Variants in SP140 observed in about 807,000 individuals in gnomAD.
SP140 encodes SP140 nuclear body protein.
SP140 carries 81 observed loss-of-function variants against 125.0 expected under a neutral mutation model. That is an observed-to-expected ratio of 0.65 (90% CI 0.54 to 0.78). The LOEUF (loss-of-function observed/expected upper bound fraction) is 0.78, where lower values mean the gene tolerates loss of function less well. SP140 is among the 30% of genes least tolerant of loss of function. The pLI is 0.00. For missense variants in SP140, 858 were observed against 1,037.0 expected (o/e 0.83, Z 2.37); for synonymous variants, 312 against 354.0 (o/e 0.88, Z 1.33).
At chr2:230,313,530 G>A (rs371958031), downstream of SP140, among the ~76,000 whole-genome samples, 61 of 152,316 alleles carry the variant, frequency 4.0e-4, no homozygotes, top group African/African-American at 1.3e-3. Flanking sequence ...GTATCAGGCT[G>A]GAGCTAGTCT....
At chr2:230,202,881 A>G, upstream of SP140, 1 of 731,092 alleles carries the variant, frequency 1.4e-6, no homozygotes, top group Non-Finnish European at 2.4e-6. Context: ...CTACTTCTCT[A>G]TAATTATATC....
Position 230,248,881 on chromosome 2 carries a change from G to T in SP140, c.893-4G>T. 6.2e-7 allele frequency: 1 copy of T among 1,610,330 alleles called. No individual in the cohort carries two copies. The highest frequency in any genetic ancestry group is 8.5e-7 in the Non-Finnish European group (1 of 1,176,728). ...TGGTCTGTCAATTTCTTGTTTATCT[G>T]CAGAGACCTTTGATCTAAAAACTCC... On this transcript the variant is annotated splice_polypyrimidine_tract_variant and splice_region_variant and intron_variant, in intron 8 of 26. Transcript: ENST00000392045.
intron 22 of SP140, among the ~76,000 whole-genome samples, chr2:230,304,743 T>C (rs976793262): frequency 7.2e-5 from 11 of 152,322 alleles, no homozygotes; most frequent in Admixed American, 3.3e-4. Flanking sequence ...TCTCTCACCT[T>C]ATACAAAAAT....
chr2:230,269,872 T>TC lies in SP140; in HGVS notation c.1365dup (p.Cys456LeufsTer20). On this transcript the variant is annotated frameshift_variant, in exon 14 of 27. Coordinates refer to ENST00000392045, the MANE Select transcript of SP140 (RefSeq NM_007237.5). LOFTEE classifies it high-confidence loss of function. ...ATCAGCATATGAAAATGAGAAGTGT[T>TC]CCTGTGTCATGTGTTTCTCAGAAGA... The TC allele has an allele frequency of 1.2e-6, 2 of 1,614,022 alleles. No homozygotes were observed. Among genetic ancestry groups the TC allele is most frequent in the Non-Finnish European group, 1.7e-6 (2 of 1,179,962 alleles).
At chr2:230,292,468 C>T (rs1575258271) in intron 19 of SP140, among the ~76,000 whole-genome samples, 178 bp from the exon 20 acceptor site, 1 of 152,164 alleles carries the variant, frequency 6.6e-6, no homozygotes, top group South Asian at 2.1e-4. Context: ...AGGAAATATC[C>T]TTAGAGGGGA....
At chr2:230,220,386 A>C (rs1559189384) in intron 3 of SP140, among the ~76,000 whole-genome samples, 1 of 152,242 alleles carries the variant, frequency 6.6e-6, no homozygotes, top group Non-Finnish European at 1.5e-5. Flanking sequence ...GAATTTATCC[A>C]GTGTGTTATC....
chr2:230,204,711 C>A (rs747790828), intron 1 of SP140, among the ~76,000 whole-genome samples: 1 of 151,880 alleles, frequency 6.6e-6, no homozygotes, highest in African/African-American at 2.4e-5. Context: ...GTATTTGGAA[C>A]CTTCCAAAAG....
At position 230,284,342 on chromosome 2, in the gene SP140, G is replaced by A; in HGVS notation, c.1499-4G>A. On this transcript the variant is annotated splice_polypyrimidine_tract_variant and splice_region_variant and intron_variant, in intron 15 of 26. Coordinates refer to ENST00000392045, the MANE Select transcript of SP140 (RefSeq NM_007237.5). The stretch of plus-strand genomic sequence containing the variant: ...TAATTAACTTTATTCTCTTTGGTTT[G>A]AAGGAAAAAAGAGGGGGCATGGCTG... 1 of 1,604,322 alleles carries A rather than the reference G, an allele frequency of 6.2e-7. No individual in the cohort carries two copies. The highest frequency in any genetic ancestry group is 8.5e-7 in the Non-Finnish European group (1 of 1,175,286).
At chr2:230,281,588 G>A (rs2055562596) in intron 15 of SP140, among the ~76,000 whole-genome samples, 1 of 151,968 alleles carries the variant, frequency 6.6e-6, no homozygotes, top group South Asian at 2.1e-4. Flanking sequence ...TATCCATCAG[G>A]GCAATCACTA....
At chr2:230,286,321 C>T (rs369101363) in intron 17 of SP140, among the ~76,000 whole-genome samples, 3 of 152,208 alleles carry the variant, frequency 2.0e-5, no homozygotes, top group African/African-American at 4.8e-5. Flanking sequence ...AAAGCACCTT[C>T]GCTTCTTCAG....
chr2:230,258,358 A>G (rs1171942678), intron 12 of SP140, among the ~76,000 whole-genome samples: 1 of 152,216 alleles, frequency 6.6e-6, no homozygotes, highest in Non-Finnish European at 1.5e-5. Context: ...ATGTTTTACA[A>G]TACGTTAATG....
chr2:230,302,154 G>A (rs1488987194), intron 22 of SP140, among the ~76,000 whole-genome samples: 1 of 152,010 alleles, frequency 6.6e-6, no homozygotes, highest in African/African-American at 2.4e-5. Flanking sequence ...GGGAGGCCGA[G>A]GTGGGTGGAT....
In SP140 at chr2:230,237,992, T is replaced by C. The variant is rs1559226658; in HGVS notation, c.238-221T>C. On this transcript the variant is annotated intron_variant, in intron 2 of 26. Transcript: ENST00000392045. The surrounding 1 kb of genome is among the most constrained non-coding windows in gnomAD (Gnocchi z 5.4). ...ACATTCAACTTTGAACCCACACTTA[T>C]TATTTAAAATTACTCTCTCCCCTTA... Among the ~76,000 whole-genome samples the C allele has an allele frequency of 6.6e-6, 1 of 152,212 alleles. No individual in the cohort carries two copies. Among genetic ancestry groups the C allele is most frequent in the South Asian group, 2.1e-4 (1 of 4,826 alleles).
the SP140 span, among the ~76,000 whole-genome samples, chr2:230,188,054 G>A: frequency 6.6e-6 from 1 of 151,964 alleles, no homozygotes; most frequent in East Asian, 1.9e-4. Flanking sequence ...GATAAGAATT[G>A]CATTCAATCT....
chr2:230,293,632 C>T (rs1274852813), intron 20 of SP140, among the ~76,000 whole-genome samples: 1 of 152,058 alleles, frequency 6.6e-6, no homozygotes, highest in Non-Finnish European at 1.5e-5. Flanking sequence ...CACCCCGCCC[C>T]GCCATAAAAC....
chr2:230,224,572 T>C (rs1365932420), upstream of SP140, among the ~76,000 whole-genome samples: 1 of 151,766 alleles, frequency 6.6e-6, no homozygotes, highest in Non-Finnish European at 1.5e-5. Flanking sequence ...TCCTCATCAG[T>C]GTTCTAGAGT....
At chr2:230,288,115 C>T in intron 18 of SP140, 149 bp downstream of exon 18, 1 of 677,610 alleles carries the variant, frequency 1.5e-6, no homozygotes. Flanking sequence ...AGTCATTTTC[C>T]AAAATGTGTC....
At chr2:230,196,702 C>G in the SP140 span, among the ~76,000 whole-genome samples, 1 of 151,628 alleles carries the variant, frequency 6.6e-6, no homozygotes, top group Non-Finnish European at 1.5e-5. Flanking sequence ...CTCCCCGCAC[C>G]CCACAACAGT....
intron 21 of SP140, among the ~76,000 whole-genome samples, chr2:230,296,076 CA>C (rs10712405): frequency 0.54 from 77,789 of 143,144 alleles, 21,142 homozygotes; most frequent in South Asian, 0.67. Flanking sequence ...CCATCTCTAC[CA>C]AAAAAAAAAA....
Sources: allele counts gnomAD v4.1 joint callset (sites outside exome capture counted in the v4.1 genomes callset), GRCh38; gene constraint gnomAD v4.1.1; non-coding constraint Gnocchi (gnomAD v3.1); transcripts MANE v1.5; gene names NCBI Gene and HGNC (gene_info 2026-07-23, HGNC 2026-07-21).